Variants in SNX29 observed in about 807,000 individuals in gnomAD.
The protein encoded by SNX29 is sorting nexin 29.
Under a neutral mutation model 102.1 loss-of-function variants are expected in SNX29, and 78 were observed. That is an observed-to-expected ratio of 0.76 (90% CI 0.64 to 0.92). The LOEUF is 0.92. Ranked by LOEUF, SNX29 falls within the 40% of genes least tolerant of loss-of-function variation. SNX29 has a pLI of 0.00. For synonymous variants in SNX29, 580 were observed against 414.5 expected (o/e 1.40, Z -4.85); for missense variants, 1,280 against 1,061.7 (o/e 1.21, Z -2.86).
intron 14 of SNX29, among the ~76,000 whole-genome samples, chr16:12,249,904 G>A (rs1319058649): frequency 6.6e-6 from 1 of 152,166 alleles, no homozygotes. Context: ...TTAAACACCT[G>A]CAGGTCCCAG....
At chr16:12,303,126 T>A (rs1270472693) in intron 15 of SNX29, among the ~76,000 whole-genome samples, 1 of 152,230 alleles carries the variant, frequency 6.6e-6, no homozygotes, top group East Asian at 1.9e-4. Flanking sequence ...TGAAGCTGTC[T>A]GTCTGTTGCA....
At chr16:12,504,185 A>C (rs1375460472) in intron 19 of SNX29, among the ~76,000 whole-genome samples, 1 of 152,194 alleles carries the variant, frequency 6.6e-6, no homozygotes, top group East Asian at 1.9e-4. Context: ...GCTTCTTAGC[A>C]TAATATTTTC....
intron 14 of SNX29, among the ~76,000 whole-genome samples, chr16:12,231,020 T>G (rs2077754134): frequency 1.3e-5 from 2 of 150,722 alleles, no homozygotes; most frequent in African/African-American, 5.0e-5. Flanking sequence ...CCGGCTAATT[T>G]TAATATTTTT....
intron 18 of SNX29, chr16:12,442,932 C>G (rs1352928071): frequency 2.2e-6 from 1 of 445,400 alleles, no homozygotes; most frequent in African/African-American, 2.0e-5. Flanking sequence ...TGACACTGAA[C>G]TTTGAATTTC....
intron 19 of SNX29, among the ~76,000 whole-genome samples, chr16:12,520,332 C>G (rs955731696): frequency 2.6e-5 from 4 of 152,206 alleles, no homozygotes; most frequent in South Asian, 2.1e-4. Context: ...TTTGGGGAAG[C>G]CTGGTGTAGA....
At chr16:11,993,838 A>C (rs1420212772) in intron 1 of SNX29, among the ~76,000 whole-genome samples, 2 of 152,188 alleles carry the variant, frequency 1.3e-5, no homozygotes, top group African/African-American at 4.8e-5. Context: ...TTGAAGACAA[A>C]GGCCGGGCGC....
intron 14 of SNX29, among the ~76,000 whole-genome samples, chr16:12,230,191 A>G (rs999314644): frequency 2.0e-5 from 3 of 152,344 alleles, no homozygotes; most frequent in African/African-American, 7.2e-5. Flanking sequence ...TTAGTTGTCA[A>G]AGTTTGCCTG....
intron 20 of SNX29, chr16:12,557,833 C>T (rs942557759): frequency 1.3e-5 from 2 of 152,048 alleles, no homozygotes; most frequent in African/African-American, 4.8e-5. Context: ...TTCACCAAAA[C>T]ATCATCAATG....
intron 1 of SNX29, among the ~76,000 whole-genome samples, chr16:11,983,006 C>G (rs1374354880): frequency 6.6e-6 from 1 of 152,270 alleles, no homozygotes; most frequent in South Asian, 2.1e-4. Flanking sequence ...TCTTGGCTCA[C>G]TGCAACCTCT....
chr16:12,037,842 C>G (rs141963551), intron 4 of SNX29, among the ~76,000 whole-genome samples: 2 of 152,038 alleles, frequency 1.3e-5, no homozygotes, highest in Admixed American at 6.6e-5. Context: ...GTAGTCCCAG[C>G]TACTCATGAG....
chr16:12,524,581 T>C, intron 19 of SNX29, 121 bp from the exon 20 acceptor site: 1 of 1,125,720 alleles, frequency 8.9e-7, no homozygotes. Flanking sequence ...TCATACGAGA[T>C]AGTTGCTCAA....
At chr16:12,085,913 C>A (rs940933201) in intron 11 of SNX29, among the ~76,000 whole-genome samples, 8 of 152,166 alleles carry the variant, frequency 5.3e-5, no homozygotes, top group Non-Finnish European at 8.8e-5. Flanking sequence ...TTACTGAGCA[C>A]CTACTGTGTG....
intron 16 of SNX29, among the ~76,000 whole-genome samples, chr16:12,388,518 C>T (rs1424230009): frequency 6.6e-6 from 1 of 152,168 alleles, no homozygotes; most frequent in African/African-American, 2.4e-5. Flanking sequence ...TGCATCTTTC[C>T]AGCTATCAGT....
At chr16:12,114,711 C>T (rs1176463534) in intron 11 of SNX29, among the ~76,000 whole-genome samples, 2 of 151,952 alleles carry the variant, frequency 1.3e-5, no homozygotes, top group East Asian at 3.9e-4. Context: ...CTCAGCCTCC[C>T]GAGTAGCTGG....
chr16:12,453,611 T>A (rs2086403321), intron 18 of SNX29, among the ~76,000 whole-genome samples: 1 of 152,102 alleles, frequency 6.6e-6, no homozygotes, highest in Non-Finnish European at 1.5e-5. Flanking sequence ...GAACTCCTGG[T>A]CTCAAGCAGT....
At position 12,570,098 on chromosome 16, in the gene SNX29, G is replaced by C. The variant is rs573534892; in HGVS notation, c.*1469G>C. On this transcript the variant is annotated 3_prime_UTR_variant, in exon 21 of 21. Transcript: ENST00000566228. The stretch of plus-strand genomic sequence containing the variant: ...AAGGTTTATACTGTGCCTTCCCCTC[G>C]TAGCAAAAAGGAAGATTGTTCATGG... 2.1e-6 allele frequency: 2 copies of C among 961,818 alleles called. No individual in the cohort carries two copies. The highest frequency in any genetic ancestry group is 5.0e-5 in the South Asian group (1 of 20,028). 59.6% of individuals were successfully genotyped at this position (961,818 alleles called of 1,614,324 possible).
intron 20 of SNX29, among the ~76,000 whole-genome samples, chr16:12,548,387 C>G (rs1007939840): frequency 6.6e-6 from 1 of 152,208 alleles, no homozygotes; most frequent in African/African-American, 2.4e-5. Context: ...CCCACACCTT[C>G]TAAGGTCTCC....
chr16:12,062,419 A>AATAAATAT (rs1359329125), intron 9 of SNX29, among the ~76,000 whole-genome samples: 7 of 150,476 alleles, frequency 4.7e-5, no homozygotes, highest in African/African-American at 1.5e-4. Context: ...TAAATAAATA[A>AATAAATAT]ATATGTCTCT....
chr16:12,146,827 C>T (rs1335352164), intron 13 of SNX29, among the ~76,000 whole-genome samples: 3 of 152,156 alleles, frequency 2.0e-5, no homozygotes, highest in Non-Finnish European at 4.4e-5. Context: ...AATGGGAGCA[C>T]CTTCTCAAAC....
Sources: gnomAD v4.1 joint callset for allele counts (sites outside exome capture counted in the v4.1 genomes callset) on GRCh38, gnomAD v4.1.1 for gene constraint, MANE v1.5 for transcripts, NCBI Gene and HGNC (gene_info 2026-07-23, HGNC 2026-07-21) for gene names.